The following CPVL variants were observed in gnomAD, a reference collection of about 807,000 sequenced individuals.
CPVL encodes the protein carboxypeptidase vitellogenic like, also known as probable serine carboxypeptidase CPVL.
Under a neutral mutation model 63.7 loss-of-function variants are expected in CPVL, and 51 were observed. The ratio of observed to expected loss-of-function variants is 0.80; its 90% CI spans 0.64 to 1.01. The LOEUF (loss-of-function observed/expected upper bound fraction) is 1.01. Ranked by LOEUF, CPVL falls within the 50% of genes least tolerant of loss-of-function variation. The probability of loss-of-function intolerance (pLI) is 0.00; values close to 1 mark genes in which losing one functional copy is unlikely to be tolerated. For synonymous variants in CPVL, 195 were observed against 206.0 expected (o/e 0.95, Z 0.46); for missense variants, 530 against 573.1 (o/e 0.92, Z 0.77).
intron 7 of CPVL, among the ~76,000 whole-genome samples, chr7:29,077,014 G>C (rs1784310027): frequency 6.6e-6 from 1 of 152,208 alleles, no homozygotes; most frequent in Non-Finnish European, 1.5e-5. Context: ...ATTGGATGTA[G>C]AGAAAACCTG....
chr7:29,087,622 T>C (rs964268356), intron 6 of CPVL, among the ~76,000 whole-genome samples: 1 of 152,176 alleles, frequency 6.6e-6, no homozygotes, highest in Non-Finnish European at 1.5e-5. Context: ...TGACCCAGAC[T>C]GCAGTGCCTG....
At chr7:29,177,509 C>G (rs1048050158) in intron 5 of CPVL, among the ~76,000 whole-genome samples, 4 of 151,832 alleles carry the variant, frequency 2.6e-5, no homozygotes, top group Non-Finnish European at 5.9e-5. Flanking sequence ...CTGCCTTGGC[C>G]TCCCACAGTG....
At chr7:29,056,540 A>G (rs901080254) in intron 11 of CPVL, among the ~76,000 whole-genome samples, 8 of 152,172 alleles carry the variant, frequency 5.3e-5, no homozygotes, top group African/African-American at 1.9e-4. Context: ...TTAGCACTGA[A>G]TAAAATTTCA....
intron 7 of CPVL, among the ~76,000 whole-genome samples, chr7:29,074,187 A>G (rs183140055): frequency 1.3e-5 from 2 of 152,316 alleles, no homozygotes; most frequent in African/African-American, 2.4e-5. Flanking sequence ...TGATAAAACA[A>G]TATCATTTAT....
intron 5 of CPVL, among the ~76,000 whole-genome samples, chr7:29,168,158 T>C (rs1009942233): frequency 5.3e-5 from 8 of 152,224 alleles, no homozygotes; most frequent in African/African-American, 1.9e-4. Flanking sequence ...TGCTTACTAA[T>C]GAGACTGCAC....
intron 4 of CPVL, among the ~76,000 whole-genome samples, chr7:29,182,493 A>T (rs1223879980): frequency 6.6e-6 from 1 of 152,212 alleles, no homozygotes; most frequent in African/African-American, 2.4e-5. Flanking sequence ...GTCCTGCCAG[A>T]TCATCCTATT....
At chr7:29,119,908 G>A (rs570688610) in intron 2 of CPVL, among the ~76,000 whole-genome samples, 11 of 152,242 alleles carry the variant, frequency 7.2e-5, no homozygotes, top group African/African-American at 2.6e-4. Flanking sequence ...ACCTCCCCGG[G>A]ATGTTGAGAT....
intron 10 of CPVL, among the ~76,000 whole-genome samples, chr7:29,065,471 CA>C (rs5883187): frequency 0.85 from 128,981 of 151,746 alleles, 54,858 homozygotes; most frequent in South Asian, 0.91. Flanking sequence ...TAATTCTACA[CA>C]AAAGATATCA....
chr7:29,087,999 C>T (rs1032466834), intron 6 of CPVL, among the ~76,000 whole-genome samples: 3 of 152,174 alleles, frequency 2.0e-5, no homozygotes, highest in Non-Finnish European at 4.4e-5. Flanking sequence ...TCCACCCTTC[C>T]CTCTCCAACC....
In CPVL at chr7:29,000,755, G is replaced by A. The variant is rs76146939; in HGVS notation, c.1321-4873C>T. ...TTAACCATTTTAAAGCGTATGATTC[G>A]GTAGCATTTAGTATATTCACACTAT... On this transcript the variant is annotated intron_variant, in intron 12 of 12. Coordinates refer to ENST00000265394, the MANE Select transcript of CPVL (RefSeq NM_031311.5). Among the ~76,000 whole-genome samples, 1,466 of 152,138 alleles carry A rather than the reference G, an allele frequency of 9.6e-3. 15 individuals are homozygous for A. The highest frequency in any genetic ancestry group is 0.016 in the Non-Finnish European group (1,108 of 68,006).
chr7:29,184,423 A>C (rs1484798502), exon 4 of CPVL: 1 of 152,114 alleles, frequency 6.6e-6, no homozygotes. Context: ...TGGCTCACTG[A>C]TTACGGAGTG....
At chr7:29,126,688 C>T (rs905850650) in intron 1 of CPVL, 13 of 152,216 alleles carry the variant, frequency 8.5e-5, no homozygotes, top group Non-Finnish European at 4.4e-5. Context: ...TTTACACTAT[C>T]GATTACTCCA....
chr7:29,076,896 T>A (rs1285571929), intron 7 of CPVL, among the ~76,000 whole-genome samples: 1 of 151,418 alleles, frequency 6.6e-6, no homozygotes, highest in Non-Finnish European at 1.5e-5. Context: ...TGGTTTGCGA[T>A]TTTTTTTTCC....
In CPVL at chr7:29,177,346, C is replaced by T. The variant is rs540478147; in HGVS notation, c.-11+3944G>A. Among the ~76,000 whole-genome samples the T allele has an allele frequency of 1.5e-4, 23 of 152,034 alleles. No individual in the cohort carries two copies. In the South Asian group the frequency reaches 2.5e-3, roughly 17 times the overall value. On this transcript the variant is annotated intron_variant, in intron 5 of 16. Transcript: ENST00000409850. Reference sequence around the variant, plus strand: ...TCTGCTCACTGCAACCTCTGCCTCCCGGGTTCAAGCAATTCTCCTGCCGCA... The same window carrying T: ...TCTGCTCACTGCAACCTCTGCCTCCTGGGTTCAAGCAATTCTCCTGCCGCA...
chr7:29,112,758 G>A lies in CPVL; in HGVS notation c.234C>T (p.Leu78=). The A allele has an allele frequency of 2.5e-6, 4 of 1,613,896 alleles. No homozygotes were observed. Among genetic ancestry groups the A allele is most frequent in the Non-Finnish European group, 3.4e-6 (4 of 1,179,932 alleles). Residue 78 remains leucine, a synonymous_variant, in exon 3 of 13, where the codon CTC becomes CTT. Transcript: ENST00000265394. Reference sequence around the variant, plus strand: ...TGCTGTTGTAAGTCTTATTCACGGTGAGGAAGCCGGCATAACTCTTCATGT... The same window carrying A: ...TGCTGTTGTAAGTCTTATTCACGGTAAGGAAGCCGGCATAACTCTTCATGT... The part of the protein sequence containing the change: ...GLNMKSYAGF[L]TVNKTYNSNL...
At chr7:29,095,851 G>A (rs1264262076) in intron 4 of CPVL, among the ~76,000 whole-genome samples, 2 of 152,284 alleles carry the variant, frequency 1.3e-5, no homozygotes, top group South Asian at 2.1e-4. Context: ...CAGAATGCTT[G>A]AGTCAGCAGC....
chr7:29,143,540 C>T (rs1259655800), intron 1 of CPVL, among the ~76,000 whole-genome samples: 1 of 151,984 alleles, frequency 6.6e-6, no homozygotes, highest in South Asian at 2.1e-4. Context: ...AAGAATCATA[C>T]AGTACAAAAA....
intron 7 of CPVL, among the ~76,000 whole-genome samples, chr7:29,073,238 T>TGCC (rs1177925704): frequency 6.6e-6 from 1 of 152,180 alleles, no homozygotes; most frequent in Non-Finnish European, 1.5e-5. Flanking sequence ...ACAATCTTGG[T>TGCC]GCCATTCGTT....
chr7:29,082,033 T>C (rs1784773349), intron 7 of CPVL, among the ~76,000 whole-genome samples: 1 of 152,226 alleles, frequency 6.6e-6, no homozygotes, highest in African/African-American at 2.4e-5. Context: ...AATTTGTGCA[T>C]TTATTTTTTG....
Sources: gnomAD v4.1 joint callset for allele counts (sites outside exome capture counted in the v4.1 genomes callset) on GRCh38, gnomAD v4.1.1 for gene constraint, MANE v1.5 for transcripts, NCBI Gene and HGNC (gene_info 2026-07-23, HGNC 2026-07-21) for gene names.